The following MTOR variants were observed in gnomAD, a reference collection of about 807,000 sequenced individuals.
MTOR encodes the protein mechanistic target of rapamycin kinase.
MTOR carries 70 observed loss-of-function variants against 319.8 expected under a neutral mutation model. The ratio of observed to expected loss-of-function variants is 0.22; its 90% CI spans 0.18 to 0.27. MTOR has a LOEUF of 0.27. Among genes scored for constraint, MTOR ranks in the 10% least tolerant of loss-of-function variants. The pLI is 1.00. For missense variants in MTOR, 1,890 were observed against 3,274.4 expected (o/e 0.58, Z 10.32); for synonymous variants, 1,183 against 1,211.4 (o/e 0.98, Z 0.49).
At position 11,238,240 on chromosome 1, in the gene MTOR, A is replaced by G. The variant is rs368652176; in HGVS notation, c.2002+162T>C. Among the ~76,000 whole-genome samples, 41 of 152,330 alleles carry G rather than the reference A, an allele frequency of 2.7e-4. 1 individual carries two copies. Among genetic ancestry groups the G allele is most frequent in the Non-Finnish European group, 4.3e-4 (29 of 68,024 alleles). On this transcript the variant is annotated intron_variant, in intron 12 of 57. Transcript: ENST00000361445. ...ATTAAAGGTAGATTATCTTACACCA[A>G]AGGCTACAGTAGCCATGCCTAACAC...
At chr1:11,137,853 A>G (rs1357430686) in intron 36 of MTOR, among the ~76,000 whole-genome samples, 2 of 152,216 alleles carry the variant, frequency 1.3e-5, no homozygotes, top group Non-Finnish European at 2.9e-5. Context: ...GCCTCAGGCG[A>G]GGCAGAGCAT....
chr1:11,135,212 C>A (rs1643345939), intron 36 of MTOR, among the ~76,000 whole-genome samples: 1 of 152,088 alleles, frequency 6.6e-6, no homozygotes, highest in South Asian at 2.1e-4. Context: ...GTTGAACCAG[C>A]ATCTTGATAA....
In MTOR at chr1:11,185,943, A is replaced by G. The variant is rs371663308; in HGVS notation, c.4253+13315T>C. Among the ~76,000 whole-genome samples the G allele has an allele frequency of 5.4e-3, 817 of 151,944 alleles. 5 individuals carry two copies. Among genetic ancestry groups the G allele is most frequent in the African/African-American group, 0.019 (768 of 41,446 alleles). On this transcript the variant is annotated intron_variant, in intron 28 of 57. Coordinates refer to ENST00000361445, the MANE Select transcript of MTOR (RefSeq NM_004958.4). Reference sequence around the variant, plus strand: ...AAAAAATACAAAAAATTAGCTGGGCATGGTGGCAGGTGCCTGTAGTCCCAG... The same window carrying G: ...AAAAAATACAAAAAATTAGCTGGGCGTGGTGGCAGGTGCCTGTAGTCCCAG...
rs558998135 is a variant in MTOR at position 11,209,449 on chromosome 1, G to C, written c.3664C>G (p.Leu1222Val). 3.1e-6 allele frequency: 5 copies of C among 1,614,030 alleles called. No homozygotes were observed. The highest frequency in any genetic ancestry group is 2.5e-6 in the Non-Finnish European group (3 of 1,180,010). The change falls in exon 25 of 58, where the codon CTT becomes GTT. Residue 1222 changes from leucine (L) to valine (V), a missense_variant. Transcript: ENST00000361445. ...LICRIVKGYT[L>V]ADEEEDPLIY... ...AAAGGATCCTCCTCTTCATCAGCAA[G>C]TGTGTATCCCTACAACCAAAGATTT...
At chr1:11,238,756 C>G (rs552440870) in intron 11 of MTOR, 139 bp from the exon 12 acceptor site, 44 of 669,924 alleles carry the variant, frequency 6.6e-5, no homozygotes, top group Non-Finnish European at 1.0e-4. Context: ...GATACTGACC[C>G]GGAACTCTTC....
Position 11,212,274 on chromosome 1 carries a change from G to T in MTOR, c.3561+38C>A. 1 of 1,581,782 alleles carries T rather than the reference G, an allele frequency of 6.3e-7. No homozygotes were observed. The highest frequency in any genetic ancestry group is 8.6e-7 in the Non-Finnish European group (1 of 1,163,260). ...CAGACAAAGTCTTCTTTCCAAATAAGGCAGAAGAGCACCTGTCTGTCCAGA... is the reference window on the plus strand; with the variant it reads ...CAGACAAAGTCTTCTTTCCAAATAATGCAGAAGAGCACCTGTCTGTCCAGA... On this transcript the variant is annotated intron_variant, in intron 23 of 57. Coordinates refer to ENST00000361445, the MANE Select transcript of MTOR (RefSeq NM_004958.4). The surrounding 1 kb of genome is among the most constrained non-coding windows in gnomAD (Gnocchi z 4.1).
chr1:11,173,805 T>C (rs1571068435), intron 28 of MTOR, among the ~76,000 whole-genome samples: 1 of 152,312 alleles, frequency 6.6e-6, no homozygotes, highest in East Asian at 1.9e-4. Flanking sequence ...GACAGTGAAG[T>C]CAGCAGGCTT....
intron 53 of MTOR, 130 bp from the exon 54 acceptor site, chr1:11,113,047 C>CATA: frequency 1.1e-6 from 1 of 924,688 alleles, no homozygotes; most frequent in South Asian, 1.6e-5. Flanking sequence ...AGATGACAGA[C>CATA]ATATTACTCA....
intron 28 of MTOR, among the ~76,000 whole-genome samples, chr1:11,172,506 G>A (rs1327765663): frequency 7.3e-6 from 1 of 136,282 alleles, no homozygotes; most frequent in Admixed American, 7.8e-5. Flanking sequence ...CTTGCTGTGA[G>A]CCGAGATCAC....
chr1:11,259,245 C>G lies in MTOR; in HGVS notation c.162+3G>C. 6.2e-7 allele frequency: 1 copy of G among 1,613,242 alleles called. No homozygotes were observed. Among genetic ancestry groups the G allele is most frequent in the South Asian group, 1.1e-5 (1 of 90,998 alleles). ...AATGACTGGCCCCAGATCCCAGAAG[C>G]ACCTCTCGGAGTTCCATGGTGACAT... On this transcript the variant is annotated splice_donor_region_variant and intron_variant, in intron 2 of 57. Coordinates refer to ENST00000361445, the MANE Select transcript of MTOR (RefSeq NM_004958.4).
chr1:11,189,220 G>C (rs1458008553), intron 28 of MTOR: 1 of 200,278 alleles, frequency 5.0e-6, no homozygotes, highest in African/African-American at 2.3e-5. Flanking sequence ...TCTGGCCTAA[G>C]TTGCCGCTGA....
chr1:11,209,577 A>G, intron 24 of MTOR, 119 bp from the exon 25 acceptor site: 3 of 1,224,260 alleles, frequency 2.5e-6, no homozygotes, highest in Non-Finnish European at 3.4e-6. Context: ...GTAAGAAGTA[A>G]AAAGTTGCAC....
intron 18 of MTOR, among the ~76,000 whole-genome samples, chr1:11,229,373 G>A (rs890486723): frequency 1.3e-5 from 2 of 152,178 alleles, no homozygotes; most frequent in Non-Finnish European, 2.9e-5. Flanking sequence ...TGAACAGTAA[G>A]GACCTCAAGG....
rs538350936 is a variant in MTOR at position 11,128,134 on chromosome 1, A to T, written c.5911-8T>A. ...CAGTGGGTAGATGAGGGCCTGAGGG[A>T]AAAACAGAAGAAACATCTATAAAGG... On this transcript the variant is annotated splice_region_variant and splice_polypyrimidine_tract_variant and intron_variant, in intron 42 of 57. Transcript: ENST00000361445. The surrounding 1 kb of genome is among the most constrained non-coding windows in gnomAD (Gnocchi z 5.3). The T allele has an allele frequency of 5.6e-6, 9 of 1,613,464 alleles. No homozygotes were observed. The East Asian group carries it at 2.0e-4, about 36-fold the overall frequency.
rs1645891843 is a variant in MTOR at position 11,199,459 on chromosome 1, G to C, written c.4108-56C>G. ...AAAATGGCAGATGGGGCACAAACAAGAGAAGGCTGTGTGGATGCTTCTCTC... is the reference window on the plus strand; with the variant it reads ...AAAATGGCAGATGGGGCACAAACAACAGAAGGCTGTGTGGATGCTTCTCTC... On this transcript the variant is annotated intron_variant, in intron 27 of 57. Coordinates refer to ENST00000361445, the MANE Select transcript of MTOR (RefSeq NM_004958.4). This position sits in a 1 kb window ranked among gnomAD's most constrained non-coding sequence, Gnocchi z 4.5. 6.2e-7 allele frequency: 1 copy of C among 1,614,012 alleles called. No homozygotes were observed. Among genetic ancestry groups the C allele is most frequent in the Non-Finnish European group, 8.5e-7 (1 of 1,179,884 alleles).
chr1:11,144,556 T>C, intron 34 of MTOR, 92 bp downstream of exon 34: 8 of 1,040,208 alleles, frequency 7.7e-6, no homozygotes, highest in South Asian at 5.7e-5. Flanking sequence ...GAAAAGCAAG[T>C]TGAGTAAGAG....
chr1:11,118,278 C>T (rs1319446935), intron 49 of MTOR, among the ~76,000 whole-genome samples: 1 of 130,256 alleles, frequency 7.7e-6, no homozygotes, highest in Admixed American at 7.7e-5. Flanking sequence ...GCTCTATTGC[C>T]CAGGCTGGAG....
intron 6 of MTOR, among the ~76,000 whole-genome samples, chr1:11,250,605 CT>C (rs1463876263): frequency 1.0e-5 from 1 of 99,324 alleles, no homozygotes; most frequent in Admixed American, 1.2e-4. Flanking sequence ...TCTTCTCCAA[CT>C]GTACTAGTTC....
intron 25 of MTOR, among the ~76,000 whole-genome samples, chr1:11,207,499 C>T (rs1646174229): frequency 6.9e-6 from 1 of 145,572 alleles, no homozygotes; most frequent in South Asian, 2.2e-4. Flanking sequence ...CCCTGGAACT[C>T]ATGGGCTCAA....
Sources: gnomAD v4.1 joint callset for allele counts (sites outside exome capture counted in the v4.1 genomes callset) on GRCh38, gnomAD v4.1.1 for gene constraint, Gnocchi (gnomAD v3.1) non-coding constraint, MANE v1.5 for transcripts, NCBI Gene and HGNC (gene_info 2026-07-23, HGNC 2026-07-21) for gene names.